Variants in MYO10 observed in about 807,000 individuals in gnomAD.
MYO10 encodes the protein unconventional myosin-X.
MYO10 carries 133 observed loss-of-function variants against 257.3 expected under a neutral mutation model. That is an observed-to-expected ratio of 0.52 (90% confidence interval 0.45 to 0.60). The LOEUF (loss-of-function observed/expected upper bound fraction) is 0.60. Ranked by LOEUF, MYO10 falls within the 20% of genes least tolerant of loss-of-function variation. The pLI, the probability that MYO10 is intolerant of heterozygous loss-of-function variation, is 0.00. For synonymous variants in MYO10, 1,104 were observed against 1,028.6 expected (o/e 1.07, Z -1.40); for missense variants, 2,399 against 2,635.7 (o/e 0.91, Z 1.97).
chr5:16,883,161 C>T (rs570866035), intron 1 of MYO10, among the ~76,000 whole-genome samples: 5 of 151,998 alleles, frequency 3.3e-5, no homozygotes, highest in African/African-American at 4.8e-5. Context: ...GTGATCCACC[C>T]GCCTCGGCCT....
chr5:16,727,283 T>G (rs1231023068), intron 19 of MYO10, among the ~76,000 whole-genome samples: 1 of 152,196 alleles, frequency 6.6e-6, no homozygotes, highest in East Asian at 1.9e-4. Flanking sequence ...AGTGTTATTC[T>G]AAAAAGTTAG....
Position 16,671,511 on chromosome 5 carries a change from G to C in MYO10, c.5341C>G (p.Pro1781Ala). ...TAAAGTTTGAAGTAGAATTTCCATG[G>C]CAGGTCCCCAACCTCGGATGTGGCA... ...LAATSEVGDLPWKFYFKLYCF... is the reference protein window; with the variant it reads ...LAATSEVGDLAWKFYFKLYCF... The change falls in exon 38 of 41, where the codon CCA (proline) becomes GCA (alanine). Residue 1781 changes from proline to alanine, a missense_variant. Pro to Ala is a conservative substitution (Grantham distance 27). Around this residue, in one of 3 missense-constraint regions of MYO10, gnomAD observed 1,820 missense variants for 1,939.4 expected, o/e 0.94. Transcript: ENST00000513610. 6.2e-7 allele frequency: 1 copy of C among 1,613,938 alleles called. No individual in the cohort carries two copies. Among genetic ancestry groups the C allele is most frequent in the Non-Finnish European group, 8.5e-7 (1 of 1,179,856 alleles).
In MYO10 at chr5:16,828,371, C is replaced by T. The variant is rs76305310; in HGVS notation, c.121-10204G>A. Among the ~76,000 whole-genome samples, 1,358 of 152,098 alleles carry T rather than the reference C, an allele frequency of 8.9e-3. 22 individuals are homozygous for T. Among genetic ancestry groups the T allele is most frequent in the African/African-American group, 0.031 (1,284 of 41,516 alleles). On this transcript the variant is annotated intron_variant, in intron 2 of 40. Transcript: ENST00000513610. Reference sequence around the variant, plus strand: ...GTATAATCCCAGCACTTTGGGAAGACGAGGTCAGCATTTTGGATCACCTGA... The same window carrying T: ...GTATAATCCCAGCACTTTGGGAAGATGAGGTCAGCATTTTGGATCACCTGA...
chr5:16,867,589 A>T (rs988259589), intron 2 of MYO10, among the ~76,000 whole-genome samples: 5 of 152,232 alleles, frequency 3.3e-5, no homozygotes, highest in Non-Finnish European at 5.9e-5. Context: ...CAAGTTTCAC[A>T]AAATTGGGCC....
intron 9 of MYO10, among the ~76,000 whole-genome samples, chr5:16,777,843 T>C (rs1008919782): frequency 0.15 from 17,878 of 115,512 alleles, 2,133 homozygotes; most frequent in Non-Finnish European, 0.19. Flanking sequence ...ATCTAACTTT[T>C]TTTTTTTTTT....
intron 5 of MYO10, among the ~76,000 whole-genome samples, chr5:16,782,962 T>C (rs1437123640): frequency 1.3e-5 from 2 of 152,220 alleles, no homozygotes; most frequent in African/African-American, 2.4e-5. Flanking sequence ...CTGACATTTC[T>C]GCTGCTAACA....
intron 5 of MYO10, 116 bp from the exon 6 acceptor site, chr5:16,781,945 G>T: frequency 8.0e-7 from 1 of 1,257,692 alleles, no homozygotes; most frequent in South Asian, 1.4e-5. Flanking sequence ...AAACCAAAAG[G>T]ACTGAGGGTG....
At chr5:16,817,595 G>A (rs1742663224) in intron 3 of MYO10, among the ~76,000 whole-genome samples, 1 of 152,284 alleles carries the variant, frequency 6.6e-6, no homozygotes. Flanking sequence ...CCAGAAAAAT[G>A]ACTGAAAATC....
chr5:16,856,027 T>C (rs1373735915), intron 2 of MYO10, among the ~76,000 whole-genome samples: 6 of 152,194 alleles, frequency 3.9e-5, no homozygotes, highest in Non-Finnish European at 8.8e-5. Context: ...CAACTGCATT[T>C]GAAACTTCTA....
chr5:16,791,260 C>G (rs1741748012), intron 4 of MYO10, among the ~76,000 whole-genome samples: 1 of 152,140 alleles, frequency 6.6e-6, no homozygotes, highest in Non-Finnish European at 1.5e-5. Context: ...AAACAGGGCT[C>G]CTACGTCCAG....
chr5:16,790,879 CAAGT>C (rs151266650), intron 4 of MYO10, among the ~76,000 whole-genome samples: 8,103 of 145,824 alleles, frequency 0.056, 301 homozygotes, highest in Non-Finnish European at 0.081. Context: ...ATGGAAAATT[CAAGT>C]AAGTTTTAAA....
intron 14 of MYO10, among the ~76,000 whole-genome samples, chr5:16,763,247 A>G (rs745453392): frequency 2.0e-5 from 3 of 152,236 alleles, no homozygotes; most frequent in Non-Finnish European, 4.4e-5. Context: ...AGGGAAGCCA[A>G]TTCACACACT....
intron 26 of MYO10, among the ~76,000 whole-genome samples, chr5:16,697,767 G>A (rs528400743): frequency 1.4e-5 from 2 of 147,584 alleles, no homozygotes; most frequent in South Asian, 2.2e-4. Flanking sequence ...GAAGAAAGAC[G>A]GCAATAAAAA....
intron 1 of MYO10, among the ~76,000 whole-genome samples, chr5:16,910,847 G>A (rs994220852): frequency 6.6e-6 from 1 of 152,092 alleles, no homozygotes; most frequent in Non-Finnish European, 1.5e-5. Flanking sequence ...GCTACACTCT[G>A]TCTGAGGTAG....
rs76271190 is a variant in MYO10 at position 16,763,762 on chromosome 5, G to A, written c.1327-7C>T. ...ACTGTTCAAAGTGATTAACCTAAGG[G>A]GGGAAAGCATTCAATAAGTATCTTT... On this transcript the variant is annotated splice_polypyrimidine_tract_variant and splice_region_variant and intron_variant, in intron 12 of 40. Coordinates refer to ENST00000513610, the MANE Select transcript of MYO10 (RefSeq NM_012334.3). The A allele has an allele frequency of 4.0e-6, 6 of 1,513,972 alleles. No individual in the cohort carries two copies. The highest frequency in any genetic ancestry group is 5.5e-6 in the Non-Finnish European group (6 of 1,095,622). 93.8% of individuals were successfully genotyped at this position (1,513,972 alleles called of 1,614,324 possible).
chr5:16,711,111 T>C lies in MYO10; in HGVS notation c.2054+10A>G, dbSNP rs1428241058. 1.1e-5 allele frequency: 17 copies of C among 1,613,598 alleles called. No individual in the cohort carries two copies. Among genetic ancestry groups the C allele is most frequent in the Non-Finnish European group, 1.4e-5 (17 of 1,179,712 alleles). On this transcript the variant is annotated intron_variant, in intron 20 of 40. Transcript: ENST00000513610. ...GAAAAGAAAGAGAATCCAATTCAGC[T>C]CCCTCTTGCCTTTTGTAAAAGTCCT...
Position 16,927,494 on chromosome 5 carries a change from T to C in MYO10, c.21+8294A>G, listed in dbSNP as rs1170516395. On this transcript the variant is annotated intron_variant, in intron 1 of 40. Transcript: ENST00000513610. Reference sequence around the variant, plus strand: ...TGCCAGCCACCACGCCCAGCTAGTTTTTTGTATTTTTAGTAGAGACGGGGT... The same window carrying C: ...TGCCAGCCACCACGCCCAGCTAGTTCTTTGTATTTTTAGTAGAGACGGGGT... 2.6e-5 allele frequency among the ~76,000 whole-genome samples: 4 copies of C among 151,994 alleles called. No homozygotes were observed. In the East Asian group the frequency reaches 7.7e-4, roughly 29 times the overall value.
chr5:16,867,201 C>G (rs1363286785), intron 2 of MYO10, among the ~76,000 whole-genome samples: 2 of 152,242 alleles, frequency 1.3e-5, no homozygotes, highest in African/African-American at 4.8e-5. Flanking sequence ...CACTTCCCTT[C>G]AGCACTCAGA....
chr5:16,715,145 C>CAAAAAAA (rs58252444), intron 19 of MYO10, among the ~76,000 whole-genome samples: 2 of 87,930 alleles, frequency 2.3e-5, no homozygotes, highest in African/African-American at 4.1e-5. Context: ...GGCAATTGGA[C>CAAAAAAA]AAAAAAAAAA....
Sources: allele counts gnomAD v4.1 joint callset (sites outside exome capture counted in the v4.1 genomes callset), GRCh38; gene constraint gnomAD v4.1.1; regional missense constraint gnomAD v4.1.1; transcripts MANE v1.5; gene names NCBI Gene and HGNC (gene_info 2026-07-23, HGNC 2026-07-21).